NLGN4X: variants seen among roughly 807,000 people sequenced by gnomAD.
NLGN4X encodes neuroligin-4, X-linked.
NLGN4X carries 3 observed loss-of-function variants against 40.3 expected under a neutral mutation model. The observed-to-expected ratio is 0.07, with a 90% confidence interval of 0.03 to 0.19. The LOEUF is 0.19. NLGN4X is among the 10% of genes least tolerant of loss of function. The probability of loss-of-function intolerance (pLI) is 1.00; values close to 1 mark genes in which losing one functional copy is unlikely to be tolerated. For missense variants in NLGN4X, 382 were observed against 708.3 expected (o/e 0.54, Z 5.23); for synonymous variants, 270 against 306.8 (o/e 0.88, Z 1.25).
intron 3 of NLGN4X, among the ~76,000 whole-genome samples, chrX:5,936,964 A>T (rs1266093706): frequency 8.9e-6 from 1 of 111,777 alleles, no homozygotes; most frequent in Non-Finnish European, 1.9e-5. Context: ...CGAGATGTTT[A>T]ATTTAAAAGG....
intron 2 of NLGN4X, among the ~76,000 whole-genome samples, chrX:6,137,762 T>C (rs779802134): frequency 1.1e-4 from 12 of 112,228 alleles, no homozygotes; most frequent in Non-Finnish European, 2.3e-4. Context: ...GAATAAGCTT[T>C]CCCTAATGAT....
intron 1 of NLGN4X, chrX:6,227,595 TGC>T (rs1926495414): frequency 9.0e-6 from 1 of 110,604 alleles, no homozygotes; most frequent in African/African-American, 3.3e-5. Context: ...TTCTGCGGCT[TGC>T]CTCACCCTTC....
At chrX:5,924,477 C>T (rs2033195831) in intron 3 of NLGN4X, among the ~76,000 whole-genome samples, 1 of 111,661 alleles carries the variant, frequency 9.0e-6, no homozygotes, top group Non-Finnish European at 1.9e-5. Context: ...CACATTACCT[C>T]ATTTCCTTTG....
chrX:6,226,381 C>T (rs970967287), intron 1 of NLGN4X, among the ~76,000 whole-genome samples: 1 of 110,668 alleles, frequency 9.0e-6, no homozygotes, highest in Non-Finnish European at 1.9e-5. Flanking sequence ...CGTCCTCCGG[C>T]TGCCCCTCGC....
chrX:6,049,584 T>C (rs182767170), intron 2 of NLGN4X, among the ~76,000 whole-genome samples: 1 of 109,895 alleles, frequency 9.1e-6, no homozygotes, highest in African/African-American at 3.3e-5. Context: ...GGTTTTCTCA[T>C]GTCACAGAAA....
chrX:6,111,176 A>T (rs2039140282), intron 2 of NLGN4X, among the ~76,000 whole-genome samples: 1 of 112,103 alleles, frequency 8.9e-6, no homozygotes, highest in African/African-American at 3.2e-5. Flanking sequence ...TCAAGTGCAG[A>T]ACACCCCAAA....
At chrX:5,993,702 C>T (rs377059552) in intron 3 of NLGN4X, among the ~76,000 whole-genome samples, 19 of 111,700 alleles carry the variant, frequency 1.7e-4, no homozygotes, top group African/African-American at 3.9e-4. Context: ...ATGAAGATGC[C>T]GGAGGGTTGG....
At chrX:5,907,018 T>C (rs184731462) in intron 4 of NLGN4X, among the ~76,000 whole-genome samples, 2 of 109,703 alleles carry the variant, frequency 1.8e-5, no homozygotes, top group Non-Finnish European at 3.8e-5. Flanking sequence ...AAGGTGGATG[T>C]TGCGGTAAGC....
At chrX:6,209,745 TAC>T (rs749869294) in intron 1 of NLGN4X, among the ~76,000 whole-genome samples, 5 of 112,013 alleles carry the variant, frequency 4.5e-5, no homozygotes, top group Non-Finnish European at 7.5e-5. Context: ...TACACACACA[TAC>T]ACACACACAA....
At chrX:5,996,636 T>C (rs1341692816) in intron 3 of NLGN4X, among the ~76,000 whole-genome samples, 18 of 106,921 alleles carry the variant, frequency 1.7e-4, no homozygotes, top group African/African-American at 5.8e-4. Context: ...TCTTGCTCTG[T>C]CACCCAGGCT....
Position 5,899,286 on chromosome X carries a change from C to T in NLGN4X, c.1601+3791G>A, listed in dbSNP as rs1601849055. Reference sequence around the variant, plus strand: ...TAGAGGCTTCAGACGGACTGACATTCGAGCTCTGGGTACCTCAATGAACTC... The same window carrying T: ...TAGAGGCTTCAGACGGACTGACATTTGAGCTCTGGGTACCTCAATGAACTC... On this transcript the variant is annotated intron_variant, in intron 5 of 5. Transcript: ENST00000381095. 1.8e-5 allele frequency among the ~76,000 whole-genome samples: 2 copies of T among 111,944 alleles called. 1 individual carries two copies.
chrX:6,173,192 A>G, intron 1 of NLGN4X, among the ~76,000 whole-genome samples: 1 of 112,570 alleles, frequency 8.9e-6, no homozygotes, highest in Non-Finnish European at 1.9e-5. Flanking sequence ...TTAGCCACAC[A>G]GCGTAGAAAC....
intron 3 of NLGN4X, among the ~76,000 whole-genome samples, chrX:5,995,877 G>C (rs2035803533): frequency 8.9e-6 from 1 of 111,975 alleles, no homozygotes; most frequent in Admixed American, 9.5e-5. Context: ...TTGTATCCCA[G>C]TTTATCACTC....
chrX:5,927,020 C>T (rs1329525328), intron 3 of NLGN4X, among the ~76,000 whole-genome samples: 3 of 109,760 alleles, frequency 2.7e-5, no homozygotes, highest in Non-Finnish European at 5.7e-5. Context: ...CCCCAGAGTG[C>T]TAAGAGGATA....
At chrX:6,076,676 TTA>T (rs762293627) in intron 2 of NLGN4X, among the ~76,000 whole-genome samples, 7 of 112,224 alleles carry the variant, frequency 6.2e-5, no homozygotes, top group African/African-American at 1.9e-4. Flanking sequence ...GGGTGAAGCA[TTA>T]TCACCTAATG....
intron 2 of NLGN4X, among the ~76,000 whole-genome samples, chrX:6,097,682 T>C (rs2038813110): frequency 9.0e-6 from 1 of 111,697 alleles, no homozygotes; most frequent in Non-Finnish European, 1.9e-5. Context: ...CCTAAAACAA[T>C]GCCTTTATCA....
chrX:5,905,948 TCA>T (rs2032149968), intron 4 of NLGN4X, among the ~76,000 whole-genome samples: 1 of 112,342 alleles, frequency 8.9e-6, no homozygotes, highest in South Asian at 3.7e-4. Flanking sequence ...GGCAGGAGCC[TCA>T]GTGCCTGGCT....
intron 3 of NLGN4X, among the ~76,000 whole-genome samples, chrX:5,953,035 C>G (rs1278698842): frequency 9.0e-6 from 1 of 110,577 alleles, no homozygotes; most frequent in Non-Finnish European, 1.9e-5. Flanking sequence ...ATCTCGTTCA[C>G]TATCCAAAAT....
intron 1 of NLGN4X, among the ~76,000 whole-genome samples, chrX:6,162,321 A>G (rs1008429519): frequency 8.9e-6 from 1 of 112,032 alleles, no homozygotes; most frequent in African/African-American, 3.2e-5. Flanking sequence ...TGAAGAATGC[A>G]AAGTATTGAT....
Sources: allele counts gnomAD v4.1 joint callset (sites outside exome capture counted in the v4.1 genomes callset), GRCh38; gene constraint gnomAD v4.1.1; transcripts MANE v1.5; gene names NCBI Gene and HGNC (gene_info 2026-07-23, HGNC 2026-07-21).